Variants in RP1 observed in about 807,000 individuals in gnomAD.
The protein encoded by RP1 is oxygen-regulated protein 1.
RP1 carries 16 observed loss-of-function variants against 14.8 expected under a neutral mutation model. The observed-to-expected ratio is 1.08, with a 90% CI of 0.73 to 1.65. The LOEUF (loss-of-function observed/expected upper bound fraction) is 1.65. Ranked by LOEUF, RP1 falls within the 40% of genes most tolerant of loss-of-function variation. The pLI is 0.00. For synonymous variants in RP1, 876 were observed against 883.6 expected (o/e 0.99, Z 0.15); for missense variants, 2,631 against 2,535.0 (o/e 1.04, Z -0.81).
intron 24 of RP1, among the ~76,000 whole-genome samples, chr8:54,810,994 A>T (rs1010342190): frequency 1.6e-4 from 24 of 152,216 alleles, no homozygotes; most frequent in Non-Finnish European, 3.1e-4. Context: ...AAATGCTGTG[A>T]AGTATAGTTT....
chr8:54,573,514 G>C (rs191843673), intron 1 of RP1, among the ~76,000 whole-genome samples: 1 of 152,172 alleles, frequency 6.6e-6, no homozygotes, highest in Non-Finnish European at 1.5e-5. Flanking sequence ...TATGAAACTA[G>C]GGAGACGAGC....
intron 1 of RP1, among the ~76,000 whole-genome samples, chr8:54,605,388 A>G (rs974695244): frequency 6.6e-6 from 1 of 152,202 alleles, no homozygotes; most frequent in African/African-American, 2.4e-5. Context: ...GTTTGATTGC[A>G]CTGTGGTCTG....
At chr8:54,792,724 C>A (rs1810496567) in intron 24 of RP1, among the ~76,000 whole-genome samples, 1 of 151,654 alleles carries the variant, frequency 6.6e-6, no homozygotes, top group African/African-American at 2.4e-5. Flanking sequence ...CTGTAAATGG[C>A]TACATTATGA....
At chr8:54,710,582 AG>A (rs1349461293) in intron 15 of RP1, among the ~76,000 whole-genome samples, 3 of 152,322 alleles carry the variant, frequency 2.0e-5, no homozygotes, top group Middle Eastern at 6.8e-3. Flanking sequence ...CCACCACCCA[AG>A]AAGAATGAGG....
At chr8:54,786,108 T>TAA (rs1563376080) in intron 24 of RP1, among the ~76,000 whole-genome samples, 2 of 152,230 alleles carry the variant, frequency 1.3e-5, no homozygotes, top group South Asian at 2.1e-4. Context: ...CTTGCTGGTA[T>TAA]GGATTTAAGT....
intron 24 of RP1, among the ~76,000 whole-genome samples, chr8:54,790,515 G>T (rs550191036): frequency 6.6e-6 from 1 of 150,698 alleles, no homozygotes; most frequent in East Asian, 2.0e-4. Context: ...TCTACGAACT[G>T]TTTGACAAGG....
intron 1 of RP1, among the ~76,000 whole-genome samples, chr8:54,566,148 C>T (rs1296660417): frequency 6.6e-6 from 1 of 152,154 alleles, no homozygotes; most frequent in African/African-American, 2.4e-5. Context: ...CAAATATGGT[C>T]ACATTCTGAG....
At chr8:54,630,961 G>A (rs1806236639), downstream of RP1, 1 of 445,324 alleles carries the variant, frequency 2.2e-6, no homozygotes, top group South Asian at 9.5e-5. Flanking sequence ...AATAATTGTG[G>A]TGTATTTCCC....
chr8:54,563,459 G>A (rs1322307781), intron 1 of RP1, among the ~76,000 whole-genome samples: 1 of 152,164 alleles, frequency 6.6e-6, no homozygotes, highest in Non-Finnish European at 1.5e-5. Flanking sequence ...CCCTTGCAGA[G>A]GTGCTTGATA....
chr8:54,600,603 C>T (rs1158113956), intron 1 of RP1, among the ~76,000 whole-genome samples: 3 of 152,124 alleles, frequency 2.0e-5, no homozygotes, highest in Non-Finnish European at 4.4e-5. Flanking sequence ...TCACTGATAT[C>T]ATCCAGTGTA....
At chr8:54,584,539 C>A (rs1175464997) in intron 1 of RP1, among the ~76,000 whole-genome samples, 1 of 152,160 alleles carries the variant, frequency 6.6e-6, no homozygotes. Context: ...GAGCTGAGTT[C>A]AGTTCCTGGA....
At chr8:54,791,449 T>C (rs1226677263) in intron 24 of RP1, among the ~76,000 whole-genome samples, 1 of 152,174 alleles carries the variant, frequency 6.6e-6, no homozygotes, top group Non-Finnish European at 1.5e-5. Context: ...CAGAATTCTC[T>C]AAATTTTTAT....
At chr8:54,706,097 C>T (rs965034933) in intron 14 of RP1, among the ~76,000 whole-genome samples, 1 of 151,968 alleles carries the variant, frequency 6.6e-6, no homozygotes, top group Non-Finnish European at 1.5e-5. Flanking sequence ...AATTCAGTTA[C>T]TCTTATAGCA....
intron 19 of RP1, among the ~76,000 whole-genome samples, chr8:54,754,385 A>C (rs1809449632): frequency 6.6e-6 from 1 of 151,928 alleles, no homozygotes; most frequent in Non-Finnish European, 1.5e-5. Flanking sequence ...AGAGCTTTGA[A>C]TCTGCTAGAG....
rs1406574400 is a variant in RP1, at chr8:54,761,221, T to G, written c.3248+2145T>G. On this transcript the variant is annotated intron_variant, in intron 22 of 22. Transcript: ENST00000636932. ...TTTCACATCGTCACCCATCATTTCT[T>G]GCGCTACCTTACTTTTTTTTTTTTT... is the stretch of plus-strand genomic sequence containing the variant. 2.0e-5 allele frequency among the ~76,000 whole-genome samples: 3 copies of G among 150,716 alleles called. No individual in the cohort carries two copies. In the East Asian group the frequency reaches 5.9e-4, roughly 29 times the overall value.
intron 15 of RP1, among the ~76,000 whole-genome samples, chr8:54,712,089 A>G (rs934721174): frequency 3.3e-5 from 5 of 152,158 alleles, no homozygotes; most frequent in Non-Finnish European, 5.9e-5. Context: ...CACCTGTCAC[A>G]TGAAGATCTT....
chr8:54,668,089 A>G (rs1442884243), intron 7 of RP1, among the ~76,000 whole-genome samples: 2 of 152,232 alleles, frequency 1.3e-5, no homozygotes, highest in African/African-American at 4.8e-5. Flanking sequence ...AAAATCCTCA[A>G]TAAAATACTG....
At position 54,621,567 on chromosome 8, in the gene RP1, A is replaced by G. The variant is rs746141363; in HGVS notation, c.601A>G (p.Thr201Ala). The G allele has an allele frequency of 6.8e-6, 11 of 1,614,016 alleles. No homozygotes were observed. The highest frequency in any genetic ancestry group is 4.0e-5 in the African/African-American group (3 of 74,940). Residue 201 changes from threonine (T) to alanine (A), a missense_variant, in exon 2 of 4, where the codon ACG becomes GCG. Coordinates refer to ENST00000220676, the MANE Select transcript of RP1 (RefSeq NM_006269.2). Reference protein sequence around the residue: ...MQRPVVKLYATDGRRVPSLQA... With the variant: ...MQRPVVKLYAADGRRVPSLQA... ...GCGCCCTGTGGTCAAGCTGTACGCT[A>G]CGGACGGAAGGAGGGTGAGCGTTCT...
At chr8:54,778,506 G>C (rs1328498662) in intron 23 of RP1, among the ~76,000 whole-genome samples, 2 of 151,808 alleles carry the variant, frequency 1.3e-5, no homozygotes, top group Non-Finnish European at 2.9e-5. Context: ...TGTATTTTTA[G>C]TAGAGACGGA....
Sources: allele counts gnomAD v4.1 joint callset (sites outside exome capture counted in the v4.1 genomes callset), GRCh38; gene constraint gnomAD v4.1.1; transcripts MANE v1.5; gene names NCBI Gene and HGNC (gene_info 2026-07-23, HGNC 2026-07-21).